The following RBFOX1 variants were observed in gnomAD, a reference collection of about 807,000 sequenced individuals.
The protein encoded by RBFOX1 is RNA binding protein fox-1 homolog 1.
Under a neutral mutation model 57.7 loss-of-function variants are expected in RBFOX1, and 8 were observed. The observed-to-expected ratio is 0.14, with a 90% confidence interval of 0.08 to 0.25. RBFOX1 has a LOEUF of 0.25. RBFOX1 is among the 10% of genes least tolerant of loss of function. RBFOX1 has a pLI of 1.00. For synonymous variants in RBFOX1, 326 were observed against 222.4 expected, an observed-to-expected ratio of 1.47 and a Z score of -4.15; for missense variants, 611 against 548.5, an observed-to-expected ratio of 1.11 and a Z score of -1.14.
intron 4 of RBFOX1, among the ~76,000 whole-genome samples, chr16:7,185,534 G>A (rs1309846718): frequency 6.6e-6 from 1 of 152,120 alleles, no homozygotes; most frequent in East Asian, 1.9e-4. Flanking sequence ...TCACCTTTGT[G>A]GACACACACA....
intron 3 of RBFOX1, among the ~76,000 whole-genome samples, chr16:5,854,203 T>C (rs1208748356): frequency 1.3e-5 from 2 of 152,172 alleles, no homozygotes; most frequent in Non-Finnish European, 2.9e-5. Flanking sequence ...ACACGTAAGA[T>C]CAACTTCTTC....
At chr16:7,132,155 A>G (rs910916628) in intron 4 of RBFOX1, among the ~76,000 whole-genome samples, 5 of 151,754 alleles carry the variant, frequency 3.3e-5, no homozygotes, top group African/African-American at 1.2e-4. Context: ...TAATTTTTGT[A>G]TTGTTAATGG....
At chr16:6,801,759 A>G (rs577310070) in intron 3 of RBFOX1, among the ~76,000 whole-genome samples, 6 of 152,244 alleles carry the variant, frequency 3.9e-5, no homozygotes, top group Admixed American at 1.3e-4. Flanking sequence ...TTACAGGGAG[A>G]AGGTCTGGAA....
At chr16:7,016,704 C>G (rs1301263397) in intron 3 of RBFOX1, among the ~76,000 whole-genome samples, 1 of 152,162 alleles carries the variant, frequency 6.6e-6, no homozygotes, top group Non-Finnish European at 1.5e-5. Flanking sequence ...GATGCCTATT[C>G]CCGTATTTTT....
At chr16:7,017,407 C>T (rs907435532) in intron 3 of RBFOX1, among the ~76,000 whole-genome samples, 9 of 152,236 alleles carry the variant, frequency 5.9e-5, no homozygotes, top group African/African-American at 1.7e-4. Flanking sequence ...GATAAAATGC[C>T]ATCAGAGAAT....
intron 2 of RBFOX1, among the ~76,000 whole-genome samples, chr16:6,597,121 C>A (rs2097783871): frequency 6.6e-6 from 1 of 152,132 alleles, no homozygotes; most frequent in Non-Finnish European, 1.5e-5. Context: ...GGAGAAATTA[C>A]AAAAGGAGTT....
chr16:7,172,457 C>G (rs1180928454), intron 4 of RBFOX1, among the ~76,000 whole-genome samples: 2 of 152,164 alleles, frequency 1.3e-5, no homozygotes, highest in Non-Finnish European at 1.5e-5. Context: ...ATTTCTCTGT[C>G]TCCCACAACC....
chr16:5,248,551 CCT>C (rs1436528201), intron 1 of RBFOX1, among the ~76,000 whole-genome samples: 3 of 152,186 alleles, frequency 2.0e-5, no homozygotes, highest in Non-Finnish European at 4.4e-5. Flanking sequence ...ACCCTCTAGA[CCT>C]CACCAGCTGA....
chr16:5,467,369 T>A (rs1337778373), intron 2 of RBFOX1: 5 of 1,011,566 alleles, frequency 4.9e-6, no homozygotes, highest in Non-Finnish European at 5.8e-6. Flanking sequence ...CAGACATCTG[T>A]AATCAACCAC....
chr16:6,497,287 A>G (rs764517379), intron 2 of RBFOX1, among the ~76,000 whole-genome samples: 10 of 152,280 alleles, frequency 6.6e-5, no homozygotes, highest in Non-Finnish European at 1.0e-4. Flanking sequence ...TCAGGTGGGC[A>G]TTAGCTGGGA....
intron 2 of RBFOX1, among the ~76,000 whole-genome samples, chr16:6,624,092 G>A (rs143895974): frequency 4.6e-5 from 7 of 152,208 alleles, no homozygotes; most frequent in East Asian, 1.9e-4. Context: ...TCACAACTAC[G>A]TACCACAGAA....
intron 4 of RBFOX1, among the ~76,000 whole-genome samples, chr16:7,132,596 T>C (rs1162265002): frequency 6.7e-6 from 1 of 149,586 alleles, no homozygotes; most frequent in African/African-American, 2.6e-5. Flanking sequence ...AGTAAACTAT[T>C]TGTAAAGCTG....
chr16:5,564,254 G>A (rs923272734), intron 2 of RBFOX1, among the ~76,000 whole-genome samples: 3 of 151,976 alleles, frequency 2.0e-5, no homozygotes, highest in Admixed American at 2.0e-4. Flanking sequence ...CTGACCTCAG[G>A]TAATCCACCT....
intron 1 of RBFOX1, among the ~76,000 whole-genome samples, chr16:5,245,109 T>G (rs979422908): frequency 1.8e-4 from 28 of 152,148 alleles, no homozygotes; most frequent in African/African-American, 6.8e-4. Context: ...GAACTCAAGG[T>G]ACAGGATGAG....
Position 6,978,586 on chromosome 16 carries a change from G to T in RBFOX1, c.-15-73471G>T, listed in dbSNP as rs550673700. Among the ~76,000 whole-genome samples, 4 of 152,142 alleles carry T rather than the reference G, an allele frequency of 2.6e-5. No individual in the cohort carries two copies. The East Asian group carries it at 7.7e-4, about 29-fold the overall frequency. ...GCCCCTTTCTCCTTTCTATATTCTG[G>T]GTATTACCAGGTTGGGTGCCTTCCA... On this transcript the variant is annotated intron_variant, in intron 3 of 15. Coordinates refer to ENST00000550418, the MANE Select transcript of RBFOX1 (RefSeq NM_018723.4).
chr16:5,271,733 C>A (rs544380416), intron 1 of RBFOX1, among the ~76,000 whole-genome samples: 1 of 152,304 alleles, frequency 6.6e-6, no homozygotes, highest in Non-Finnish European at 1.5e-5. Context: ...ACCCTTTGAC[C>A]AGTGTCTCCT....
intron 4 of RBFOX1, among the ~76,000 whole-genome samples, chr16:7,183,071 G>C (rs76401772): frequency 2.6e-5 from 4 of 152,094 alleles, no homozygotes; most frequent in Admixed American, 2.0e-4. Flanking sequence ...ATAAGTAAGC[G>C]AATGATCCCC....
chr16:6,895,999 C>G (rs1484879737), intron 3 of RBFOX1, among the ~76,000 whole-genome samples: 1 of 151,938 alleles, frequency 6.6e-6, no homozygotes, highest in East Asian at 1.9e-4. Context: ...GTGAAATAAT[C>G]AAATCATGAA....
chr16:6,595,255 C>T (rs1261359528), intron 2 of RBFOX1, among the ~76,000 whole-genome samples: 1 of 152,202 alleles, frequency 6.6e-6, no homozygotes, highest in Non-Finnish European at 1.5e-5. Context: ...CAGCATTCTG[C>T]TCTATCTCTA....
Sources: gnomAD v4.1 joint callset for allele counts (sites outside exome capture counted in the v4.1 genomes callset) on GRCh38, gnomAD v4.1.1 for gene constraint, MANE v1.5 for transcripts, NCBI Gene and HGNC (gene_info 2026-07-23, HGNC 2026-07-21) for gene names.